The following B4GALT7 variants were observed in gnomAD, a reference collection of about 807,000 sequenced individuals.
B4GALT7 encodes the protein beta-1,4-galactosyltransferase 7.
B4GALT7 carries 30 observed loss-of-function variants against 33.0 expected under a neutral mutation model. That is an observed-to-expected ratio of 0.91 (90% CI 0.68 to 1.23). The LOEUF is 1.23. Ranked by LOEUF, B4GALT7 falls within the 50% of genes most tolerant of loss-of-function variation. The pLI, the probability that B4GALT7 is intolerant of heterozygous loss-of-function variation, is 0.00. For missense variants in B4GALT7, 507 were observed against 450.8 expected, an observed-to-expected ratio of 1.12 and a Z score of -1.13; for synonymous variants, 213 against 187.2, an observed-to-expected ratio of 1.14 and a Z score of -1.13.
In B4GALT7 at chr5:177,600,362, T is replaced by C; in HGVS notation, c.50+102T>C. The stretch of plus-strand genomic sequence containing the variant: ...CCCGAGGCCATCACGTCTCCATGTC[T>C]GCGGGTTTCTGTGAGGGCGTGTGGT... On this transcript the variant is annotated intron_variant, in intron 1 of 5. Coordinates refer to ENST00000029410, the MANE Select transcript of B4GALT7 (RefSeq NM_007255.3). This position sits in a 1 kb window ranked among gnomAD's most constrained non-coding sequence, Gnocchi z 4.4. 1.0e-6 allele frequency: 1 copy of C among 998,038 alleles called. No individual in the cohort carries two copies. The highest frequency in any genetic ancestry group is 1.3e-6 in the Non-Finnish European group (1 of 771,580). 61.8% of individuals were successfully genotyped at this position (998,038 alleles called of 1,614,324 possible).
In B4GALT7 at chr5:177,604,139, C is replaced by T. The variant is rs376538512; in HGVS notation, c.51-40C>T. The stretch of plus-strand genomic sequence containing the variant: ...AGAACGGGTCTGTCACAGGGCCAGC[C>T]CTGCCCCGCCCTCCTGACCCTGTCC... On this transcript the variant is annotated intron_variant, in intron 1 of 5. Transcript: ENST00000029410. 50 of 1,612,080 alleles carry T rather than the reference C, an allele frequency of 3.1e-5. No individual in the cohort carries two copies. In the African/African-American group the frequency reaches 5.7e-4, roughly 19 times the overall value.
chr5:177,600,931 G>A lies in B4GALT7; in HGVS notation c.50+671G>A, dbSNP rs1032990836. On this transcript the variant is annotated intron_variant, in intron 1 of 5. Coordinates refer to ENST00000029410, the MANE Select transcript of B4GALT7 (RefSeq NM_007255.3). This position sits in a 1 kb window ranked among gnomAD's most constrained non-coding sequence, Gnocchi z 4.4. ...TGTATTGGCCCTACGTGAAAGATGCGAGCTTGGCCCACACCTTAGCTAATT... is the reference window on the plus strand; with the variant it reads ...TGTATTGGCCCTACGTGAAAGATGCAAGCTTGGCCCACACCTTAGCTAATT... Among the ~76,000 whole-genome samples, 1 of 152,138 alleles carries A rather than the reference G, an allele frequency of 6.6e-6. No individual in the cohort carries two copies. The highest frequency in any genetic ancestry group is 1.5e-5 in the Non-Finnish European group (1 of 68,036).
At chr5:177,607,057 ATC>A in intron 2 of B4GALT7, 1 of 586,046 alleles carries the variant, frequency 1.7e-6, no homozygotes, top group Admixed American at 2.8e-5. Context: ...TTCTATTGGA[ATC>A]TCAGTTCCTT....
chr5:177,602,055 C>T (rs1767863450), intron 1 of B4GALT7, among the ~76,000 whole-genome samples: 1 of 152,180 alleles, frequency 6.6e-6, no homozygotes, highest in South Asian at 2.1e-4. Flanking sequence ...CCATATCCAT[C>T]TCTCCAGTCT....
At chr5:177,601,280 G>T (rs372371425) in intron 1 of B4GALT7, 1 of 152,300 alleles carries the variant, frequency 6.6e-6, no homozygotes, top group East Asian at 1.9e-4. Context: ...GCATCTGTCC[G>T]ACCGCAGCCT....
rs1329491353 is a variant in B4GALT7 at position 177,606,775 on chromosome 5, C to T, written c.414-527C>T. The T allele has an allele frequency of 7.8e-6, 2 of 255,752 alleles. No homozygotes were observed. The highest frequency in any genetic ancestry group is 9.6e-5 in the East Asian group (1 of 10,448). The allele number at this position is 255,752 out of a possible 1,614,324, so 15.8% of individuals were successfully genotyped here. On this transcript the variant is annotated intron_variant, in intron 2 of 5. Transcript: ENST00000029410. This position sits in a 1 kb window ranked among gnomAD's most constrained non-coding sequence, Gnocchi z 4.2. Reference sequence around the variant, plus strand: ...CCCCCAACATCCCCACCTCTGCCCTCGCCCTGCCCAGCTGCCCGTTGGTCT... The same window carrying T: ...CCCCCAACATCCCCACCTCTGCCCTTGCCCTGCCCAGCTGCCCGTTGGTCT...
In B4GALT7 at chr5:177,604,327, G is replaced by A. The variant is rs751313034; in HGVS notation, c.199G>A (p.Glu67Lys). The A allele has an allele frequency of 5.0e-6, 8 of 1,610,666 alleles. No individual in the cohort carries two copies. Among genetic ancestry groups the A allele is most frequent in the South Asian group, 1.1e-5 (1 of 90,744 alleles). ...VARAVRGQGQ[E>K]TSGPPRACPP... ...CCGGGCAGTCAGGGGACAAGGGCAG[G>A]AGACCTCGGGCCCTCCCCGTGCCTG... Residue 67 changes from glutamate to lysine, a missense_variant, in exon 2 of 6, where the codon GAG (glutamate) becomes AAG (lysine). By Grantham distance (56) the Glu-to-Lys change is moderately conservative. Transcript: ENST00000029410.
At chr5:177,604,597 C>T in intron 2 of B4GALT7, 56 bp downstream of exon 2, 2 of 1,610,482 alleles carry the variant, frequency 1.2e-6, no homozygotes, top group Admixed American at 1.7e-5. Flanking sequence ...TCAGGCTTCT[C>T]AGGCCCTGTG....
chr5:177,607,501 C>T lies in B4GALT7; in HGVS notation c.613C>T (p.Leu205=). ...CAAGACCTATGTCGGCGGCATCCTG[C>T]TGCTCTCCAAGCAGCACTACCGGCT... The part of the protein sequence containing the change: ...HYKTYVGGIL[L]LSKQHYRLCN... Residue 205 remains leucine (L), a synonymous_variant, in exon 3 of 6, where the codon CTG becomes TTG. Transcript: ENST00000029410. 2 of 1,612,936 alleles carry T rather than the reference C, an allele frequency of 1.2e-6. No individual in the cohort carries two copies. The highest frequency in any genetic ancestry group is 1.7e-6 in the Non-Finnish European group (2 of 1,180,036).
rs138853091 is a variant in B4GALT7, at chr5:177,609,787, T to A, written c.*92T>A. On this transcript the variant is annotated 3_prime_UTR_variant, in exon 6 of 6. Transcript: ENST00000029410. ...GGTCGTGGGCCCAGCTCTGACAGGATGTGGAGTGGCCAGGACCAAGACAGC... is the reference window on the plus strand; with the variant it reads ...GGTCGTGGGCCCAGCTCTGACAGGAAGTGGAGTGGCCAGGACCAAGACAGC... 49 of 1,505,800 alleles carry A rather than the reference T, an allele frequency of 3.3e-5. No individual in the cohort carries two copies. The East Asian group carries it at 1.2e-3, about 36-fold the overall frequency. The allele number at this position is 1,505,800 out of a possible 1,614,324, so 93.3% of individuals were successfully genotyped here.
chr5:177,607,773 G>A (rs1283844869), intron 3 of B4GALT7: 4 of 573,750 alleles, frequency 7.0e-6, no homozygotes, highest in Non-Finnish European at 1.3e-5. Context: ...GAGTGTAGGG[G>A]CGGTTCAGGT....
In B4GALT7 at chr5:177,607,467, C is replaced by T; in HGVS notation, c.579C>T (p.Leu193=). The stretch of plus-strand genomic sequence containing the variant: ...TGGCCTCCCCGGAGCTCCACCCTCT[C>T]TACCACTACAAGACCTATGTCGGCG... ...FHVASPELHP[L]YHYKTYVGGI... is the part of the protein sequence containing the mutation. Residue 193 remains leucine, a synonymous_variant, in exon 3 of 6, where the codon CTC becomes CTT. Coordinates refer to ENST00000029410, the MANE Select transcript of B4GALT7 (RefSeq NM_007255.3). 1.9e-6 allele frequency: 3 copies of T among 1,613,798 alleles called. No homozygotes were observed. The highest frequency in any genetic ancestry group is 1.6e-4 in the Middle Eastern group (1 of 6,062).
In B4GALT7 at chr5:177,608,241, A is replaced by G. The variant is rs1345514726; in HGVS notation, c.640-298A>G. On this transcript the variant is annotated intron_variant, in intron 3 of 5. Coordinates refer to ENST00000029410, the MANE Select transcript of B4GALT7 (RefSeq NM_007255.3). This position sits in a 1 kb window ranked among gnomAD's most constrained non-coding sequence, Gnocchi z 4.1. The stretch of plus-strand genomic sequence containing the variant: ...GGAGAAAGGGGAATGGGGGAAGCAG[A>G]AATCAAGTAGGAGCTGGCGCTTCTG... The G allele has an allele frequency of 6.6e-6, 3 of 452,586 alleles. No individual in the cohort carries two copies. Among genetic ancestry groups the G allele is most frequent in the African/African-American group, 4.0e-5 (2 of 50,300 alleles). The allele number at this position is 452,586 out of a possible 1,614,324, so 28.0% of individuals were successfully genotyped here.
chr5:177,609,875 G>T lies in B4GALT7; in HGVS notation c.*180G>T. 1 of 750,424 alleles carries T rather than the reference G, an allele frequency of 1.3e-6. No homozygotes were observed. 46.5% of individuals were successfully genotyped at this position (750,424 alleles called of 1,614,324 possible). On this transcript the variant is annotated 3_prime_UTR_variant, in exon 6 of 6. Transcript: ENST00000029410. ...GCTTGGGCTGGGCCAGGACACGTGG[G>T]GTGCCTGGGACGCTGCTTGCCATGC... is the stretch of plus-strand genomic sequence containing the variant.
chr5:177,607,105 C>T (rs940484580), intron 2 of B4GALT7, 197 bp from the exon 3 acceptor site: 15 of 649,682 alleles, frequency 2.3e-5, no homozygotes, highest in Non-Finnish European at 3.4e-5. Flanking sequence ...CTGTACCTCC[C>T]GTGCTTTGAA....
At chr5:177,604,920 C>G in intron 2 of B4GALT7, 1 of 462,516 alleles carries the variant, frequency 2.2e-6, no homozygotes, top group Non-Finnish European at 4.3e-6. Context: ...AGGGTCAAGG[C>G]CACGGCTTTA....
In B4GALT7 at chr5:177,609,012, C is replaced by T. The variant is rs1441626948; in HGVS notation, c.826C>T (p.Gln276Ter). 2 of 1,609,298 alleles carry T rather than the reference C, an allele frequency of 1.2e-6. No homozygotes were observed. The highest frequency in any genetic ancestry group is 1.1e-5 in the South Asian group (1 of 91,058). Residue 276 changes from glutamine (Q) to a stop codon, truncating the protein, a stop_gained and splice_region_variant, in exon 5 of 6, where the codon CAG (glutamine) becomes TAG (stop). Transcript: ENST00000029410. LOFTEE classifies it high-confidence loss of function. ...CCAGAAGCGCATCGCAGCTCAAAAA[C>T]AGGTGCTGGCAGGGCTCCTCATTGG... Reference protein sequence around the residue: ...RDQKRIAAQKQEQFKVDREGG... With the variant: ...RDQKRIAAQK
Position 177,600,202 on chromosome 5 carries a change from C to T in B4GALT7, c.-9C>T, listed in dbSNP as rs1208347975. ...GCGCCTGCCCCATGCGCCGCCGCCT[C>T]TCCGCACGATGTTCCCCTCGCGGAG... On this transcript the variant is annotated 5_prime_UTR_variant, in exon 1 of 6. Coordinates refer to ENST00000029410, the MANE Select transcript of B4GALT7 (RefSeq NM_007255.3). The surrounding 1 kb of genome is among the most constrained non-coding windows in gnomAD (Gnocchi z 4.4). 4 of 1,369,754 alleles carry T rather than the reference C, an allele frequency of 2.9e-6. No individual in the cohort carries two copies. Among genetic ancestry groups the T allele is most frequent in the Admixed American group, 2.8e-5 (1 of 35,628 alleles). The allele number at this position is 1,369,754 out of a possible 1,614,324, so 84.9% of individuals were successfully genotyped here. A position where few individuals can be genotyped will look rare whatever the true frequency, so the allele number is the denominator to read the frequency against.
chr5:177,607,937 T>A, intron 3 of B4GALT7: 2 of 296,592 alleles, frequency 6.7e-6, no homozygotes, highest in East Asian at 1.8e-4. Flanking sequence ...GATGGGGCCC[T>A]TCCCTTGTAG....
Sources: gnomAD v4.1 joint callset for allele counts (sites outside exome capture counted in the v4.1 genomes callset) on GRCh38, gnomAD v4.1.1 for gene constraint, Gnocchi (gnomAD v3.1) non-coding constraint, MANE v1.5 for transcripts, NCBI Gene and HGNC (gene_info 2026-07-23, HGNC 2026-07-21) for gene names.